WEE1: variants seen among roughly 807,000 people sequenced by gnomAD.
The protein encoded by WEE1 is wee1-like protein kinase.
In WEE1, 16 loss-of-function variants were observed where a neutral mutation model predicts 68.8. The ratio of observed to expected loss-of-function variants is 0.23; its 90% CI spans 0.16 to 0.35. WEE1 has a LOEUF of 0.35. Among genes scored for constraint, WEE1 ranks in the 10% least tolerant of loss-of-function variants. WEE1 has a pLI of 1.00. For synonymous variants in WEE1, 349 were observed against 318.7 expected, an observed-to-expected ratio of 1.09 and a Z score of -1.01; for missense variants, 651 against 824.1, an observed-to-expected ratio of 0.79 and a Z score of 2.57.
chr11:9,580,843 C>G (rs1430391235), intron 5 of WEE1: 2 of 152,142 alleles, frequency 1.3e-5, no homozygotes, highest in East Asian at 3.8e-4. Flanking sequence ...ATAGAGTGAT[C>G]TTTAAGATAA....
Position 9,589,617 on chromosome 11 carries a change from T to C in WEE1, c.*1015T>C, listed in dbSNP as rs1849740246. 2 of 985,310 alleles carry C rather than the reference T, an allele frequency of 2.0e-6. No individual in the cohort carries two copies. Among genetic ancestry groups the C allele is most frequent in the South Asian group, 9.4e-5 (2 of 21,260 alleles). The allele number at this position is 985,310 out of a possible 1,614,324, so 61.0% of individuals were successfully genotyped here. On this transcript the variant is annotated 3_prime_UTR_variant, in exon 11 of 11. Coordinates refer to ENST00000450114, the MANE Select transcript of WEE1 (RefSeq NM_003390.4). ...TATCTGTGATTAGCCATTTGACTAATAATACTGGCTAACAGATGTTGAAAA... is the reference window on the plus strand; with the variant it reads ...TATCTGTGATTAGCCATTTGACTAACAATACTGGCTAACAGATGTTGAAAA...
Position 9,585,468 on chromosome 11 carries a change from T to A in WEE1, c.1411T>A (p.Ser471Thr), listed in dbSNP as rs139320767. 6.2e-7 allele frequency: 1 copy of A among 1,604,662 alleles called. No individual in the cohort carries two copies. The highest frequency in any genetic ancestry group is 8.5e-7 in the Non-Finnish European group (1 of 1,177,718). The change falls in exon 8 of 11, where the codon TCC becomes ACC. Residue 471 changes from serine to threonine, a missense_variant. Physicochemically the swap from Ser to Thr is moderately conservative, Grantham distance 58. Coordinates refer to ENST00000450114, the MANE Select transcript of WEE1 (RefSeq NM_003390.4). ...IGDLGHVTRI[S>T]SPQVEEGDSR... ...TGATCTTGGGCATGTAACAAGGATCTCCAGTCCACAAGTTGAAGAGGGCGA... is the reference window on the plus strand; with the variant it reads ...TGATCTTGGGCATGTAACAAGGATCACCAGTCCACAAGTTGAAGAGGGCGA...
intron 6 of WEE1, among the ~76,000 whole-genome samples, chr11:9,584,784 A>T (rs2134355073): frequency 6.6e-6 from 1 of 152,254 alleles, no homozygotes. Context: ...GCTGGAAAAT[A>T]TATTCCCAGA....
intron 5 of WEE1, chr11:9,579,897 T>A (rs1275297486): frequency 6.6e-6 from 1 of 152,242 alleles, no homozygotes; most frequent in Non-Finnish European, 1.5e-5. Context: ...GACTAATACA[T>A]CATTGACCTT....
chr11:9,580,423 T>A (rs544379914), intron 5 of WEE1: 2 of 151,144 alleles, frequency 1.3e-5, no homozygotes, highest in African/African-American at 4.8e-5. Context: ...AAAATGTCCA[T>A]CAAATGAGGG....
chr11:9,588,666 T>C lies in WEE1; in HGVS notation c.*64T>C. ...GAGGAAGCTAGGTTGAAATCACTGA[T>C]AGAATCCAGTTTGCAATTACTTTCT... On this transcript the variant is annotated 3_prime_UTR_variant, in exon 11 of 11. Coordinates refer to ENST00000450114, the MANE Select transcript of WEE1 (RefSeq NM_003390.4). 2.8e-6 allele frequency: 4 copies of C among 1,412,800 alleles called. No homozygotes were observed. Among genetic ancestry groups the C allele is most frequent in the Non-Finnish European group, 3.7e-6 (4 of 1,081,714 alleles). The allele number at this position is 1,412,800 out of a possible 1,614,324, so 87.5% of individuals were successfully genotyped here.
At chr11:9,583,800 CACATATATATATAT>C (rs1213459767) in intron 6 of WEE1, among the ~76,000 whole-genome samples, 39 of 18,150 alleles carry the variant, frequency 2.1e-3, no homozygotes, top group African/African-American at 3.0e-3. Flanking sequence ...CACACACACA[CACATATATATATAT>C]ATATATATAT....
At chr11:9,575,422 A>T in intron 1 of WEE1, 1 of 997,488 alleles carries the variant, frequency 1.0e-6, no homozygotes, top group Non-Finnish European at 1.2e-6. Context: ...CAGCCTAGGC[A>T]ATCTGTGTGC....
intron 8 of WEE1, among the ~76,000 whole-genome samples, 161 bp from the exon 9 acceptor site, chr11:9,586,288 C>T (rs1363856181): frequency 6.6e-6 from 1 of 152,118 alleles, no homozygotes; most frequent in Admixed American, 6.6e-5. Context: ...AATAAACATC[C>T]TCAAATTTAG....
At chr11:9,586,329 A>T in intron 8 of WEE1, 120 bp from the exon 9 acceptor site, 1 of 846,012 alleles carries the variant, frequency 1.2e-6, no homozygotes, top group Non-Finnish European at 1.8e-6. Context: ...TCCCAAACTT[A>T]AATGTGGTAT....
chr11:9,577,447 T>C (rs1849576346), intron 5 of WEE1, 184 bp downstream of exon 5: 1 of 640,302 alleles, frequency 1.6e-6, no homozygotes, highest in Non-Finnish European at 2.6e-6. Context: ...ACCTTGTACA[T>C]ATCTCAGTAG....
rs770894091 is a variant in WEE1, at chr11:9,586,580, A to G, written c.1602A>G (p.Ile534Met). The G allele has an allele frequency of 1.2e-6, 2 of 1,614,058 alleles. No homozygotes were observed. The highest frequency in any genetic ancestry group is 2.7e-5 in the African/African-American group (2 of 74,938). Reference protein sequence around the residue: ...HEIRQGRLPRIPQVLSQEFTE... With the variant: ...HEIRQGRLPRMPQVLSQEFTE... ...TCAGACAGGGTAGATTACCTCGGAT[A>G]CCACAAGTGCTTTCCCAAGAATTTA... The change falls in exon 9 of 11, where the codon ATA (isoleucine) becomes ATG (methionine). Residue 534 changes from isoleucine (I) to methionine (M), a missense_variant. Transcript: ENST00000450114.
At chr11:9,583,612 C>CAA (rs74575068) in intron 6 of WEE1, among the ~76,000 whole-genome samples, 2 of 80,236 alleles carry the variant, frequency 2.5e-5, no homozygotes, top group South Asian at 4.2e-4. Flanking sequence ...GAGACTGTCT[C>CAA]AAAAAAAAAA....
At position 9,588,622 on chromosome 11, in the gene WEE1, C is replaced by T. The variant is rs559821398; in HGVS notation, c.*20C>T. Reference sequence around the variant, plus strand: ...TACTGAGCTACTCCTTTCCCACCTCCCCCTGAACACTGTGACAAGAGGAAG... The same window carrying T: ...TACTGAGCTACTCCTTTCCCACCTCTCCCTGAACACTGTGACAAGAGGAAG... On this transcript the variant is annotated 3_prime_UTR_variant, in exon 11 of 11. Coordinates refer to ENST00000450114, the MANE Select transcript of WEE1 (RefSeq NM_003390.4). 2.4e-5 allele frequency: 36 copies of T among 1,508,740 alleles called. 1 individual carries two copies. The South Asian group carries it at 4.7e-4, about 20-fold the overall frequency. The allele number at this position is 1,508,740 out of a possible 1,614,324, so 93.5% of individuals were successfully genotyped here. A position where few individuals can be genotyped will look rare whatever the true frequency, so the allele number is the denominator to read the frequency against.
chr11:9,577,512 G>A, intron 5 of WEE1: 1 of 435,958 alleles, frequency 2.3e-6, no homozygotes, highest in Non-Finnish European at 4.2e-6. Context: ...TTTTTGACAA[G>A]ACTATGGCCT....
In WEE1 at chr11:9,574,497, G is replaced by C; in HGVS notation, c.564G>C (p.Pro188=). 8.0e-7 allele frequency: 1 copy of C among 1,245,704 alleles called. No homozygotes were observed. Among genetic ancestry groups the C allele is most frequent in the Non-Finnish European group, 1.0e-6 (1 of 995,952 alleles). 77.2% of individuals were successfully genotyped at this position (1,245,704 alleles called of 1,614,324 possible). A position where few individuals can be genotyped will look rare whatever the true frequency, so the allele number is the denominator to read the frequency against. The stretch of plus-strand genomic sequence containing the variant: ...GCAAGCTGCGACTCTTCGACACCCC[G>C]CACACGCCCAAGGTGAGAGCGGCGG... ...TFRKLRLFDT[P]HTPKSLLSKA... is the part of the protein sequence containing the mutation. Residue 188 remains proline (P), a synonymous_variant, in exon 1 of 11, where the codon CCG becomes CCC. Coordinates refer to ENST00000450114, the MANE Select transcript of WEE1 (RefSeq NM_003390.4). This position sits in a 1 kb window ranked among gnomAD's most constrained non-coding sequence, Gnocchi z 4.9.
chr11:9,578,396 A>G (rs3910384), intron 5 of WEE1: 68,951 of 154,426 alleles, frequency 0.45, 15,752 homozygotes, highest in East Asian at 0.62. Flanking sequence ...TTATTTAATA[A>G]AGTTCTCCAC....
At position 9,581,555 on chromosome 11, in the gene WEE1, A is replaced by T; in HGVS notation, c.1165A>T (p.Ser389Cys). The T allele has an allele frequency of 6.2e-7, 1 of 1,602,396 alleles. No homozygotes were observed. Among genetic ancestry groups the T allele is most frequent in the Non-Finnish European group, 8.5e-7 (1 of 1,177,698 alleles). ...CNGGSLADAI[S>C]ENYRIMSYFK... is the part of the protein sequence containing the mutation. Reference sequence around the variant, plus strand: ...AGGTGGAAGTTTAGCTGATGCTATAAGTGAAAACTACAGAATCATGAGTTA... The same window carrying T: ...AGGTGGAAGTTTAGCTGATGCTATATGTGAAAACTACAGAATCATGAGTTA... Residue 389 changes from serine (S) to cysteine (C), a missense_variant, in exon 6 of 11, where the codon AGT becomes TGT. Transcript: ENST00000450114.
At position 9,589,371 on chromosome 11, in the gene WEE1, C is replaced by A; in HGVS notation, c.*769C>A. 1 of 984,058 alleles carries A rather than the reference C, an allele frequency of 1.0e-6. No individual in the cohort carries two copies. Among genetic ancestry groups the A allele is most frequent in the Non-Finnish European group, 1.2e-6 (1 of 829,738 alleles). 61.0% of individuals were successfully genotyped at this position (984,058 alleles called of 1,614,324 possible). On this transcript the variant is annotated 3_prime_UTR_variant, in exon 11 of 11. Transcript: ENST00000450114. ...CTGTATTAATGTAGTATAATAATTA[C>A]TGGTTTTGTAACTTGTTCTGGTAAT...
Sources: gnomAD v4.1 joint callset for allele counts (sites outside exome capture counted in the v4.1 genomes callset) on GRCh38, gnomAD v4.1.1 for gene constraint, Gnocchi (gnomAD v3.1) non-coding constraint, MANE v1.5 for transcripts, NCBI Gene and HGNC (gene_info 2026-07-23, HGNC 2026-07-21) for gene names.